MED12L: variants seen among roughly 807,000 people sequenced by gnomAD.
The protein encoded by MED12L is mediator complex subunit 12L.
MED12L carries 60 observed loss-of-function variants against 281.3 expected under a neutral mutation model. The observed-to-expected ratio is 0.21, with a 90% CI of 0.17 to 0.26. The LOEUF (loss-of-function observed/expected upper bound fraction) is 0.26. MED12L is among the 10% of genes least tolerant of loss of function. The pLI is 1.00. For missense variants in MED12L, 2,146 were observed against 2,680.9 expected (o/e 0.80, Z 4.41); for synonymous variants, 974 against 987.2 (o/e 0.99, Z 0.25).
intron 16 of MED12L, chr3:151,212,938 C>G (rs908459566): frequency 1.2e-4 from 19 of 153,752 alleles, no homozygotes; most frequent in African/African-American, 4.4e-4. Context: ...AAAGAAGATG[C>G]CTGAGTGAGT....
chr3:151,166,027 T>A, intron 11 of MED12L, 45 bp downstream of exon 11: 1 of 1,532,858 alleles, frequency 6.5e-7, no homozygotes, highest in Non-Finnish European at 8.9e-7. Flanking sequence ...ATTTTCATAG[T>A]GTTTTTTTCT....
intron 16 of MED12L, among the ~76,000 whole-genome samples, chr3:151,241,412 G>C (rs751261401): frequency 6.6e-6 from 1 of 152,036 alleles, no homozygotes; most frequent in African/African-American, 2.4e-5. Context: ...TTCTCCTCAG[G>C]CTATCTTGAA....
chr3:151,248,013 T>C (rs1736067834), intron 16 of MED12L, among the ~76,000 whole-genome samples: 1 of 144,364 alleles, frequency 6.9e-6, no homozygotes, highest in East Asian at 2.1e-4. Flanking sequence ...GAGTAGATTC[T>C]AAGCATGTAT....
intron 2 of MED12L, among the ~76,000 whole-genome samples, chr3:151,092,746 A>G (rs974504083): frequency 1.4e-4 from 21 of 152,298 alleles, no homozygotes; most frequent in Admixed American, 9.8e-4. Context: ...AGAGGAGGCA[A>G]GGGAGATACT....
chr3:151,169,661 A>G (rs753698225), intron 11 of MED12L, among the ~76,000 whole-genome samples: 2 of 152,222 alleles, frequency 1.3e-5, no homozygotes, highest in Non-Finnish European at 2.9e-5. Flanking sequence ...CAATAATAAT[A>G]TAGCAATTAT....
chr3:151,117,652 A>G (rs559442288), intron 3 of MED12L, among the ~76,000 whole-genome samples: 7 of 152,324 alleles, frequency 4.6e-5, no homozygotes, highest in African/African-American at 1.4e-4. Flanking sequence ...TGCCACTCCA[A>G]CAACAAAACC....
chr3:151,190,903 A>G lies in MED12L; in HGVS notation c.1940A>G (p.Tyr647Cys), dbSNP rs1723886496. 1.2e-6 allele frequency: 2 copies of G among 1,614,072 alleles called. No individual in the cohort carries two copies. The highest frequency in any genetic ancestry group is 2.7e-5 in the African/African-American group (2 of 74,924). ...SPVGENADEHYSKDHDVKMEE... is the reference protein window; with the variant it reads ...SPVGENADEHCSKDHDVKMEE... Reference sequence around the variant, plus strand: ...GTAGGGGAAAATGCAGATGAACACTATTCAAAGGACCATGATGTGAAAATG... The same window carrying G: ...GTAGGGGAAAATGCAGATGAACACTGTTCAAAGGACCATGATGTGAAAATG... The change falls in exon 14 of 45, where the codon TAT becomes TGT. Residue 647 changes from tyrosine (Y) to cysteine (C), a missense_variant. Tyr to Cys is a radical substitution (Grantham distance 194). Transcript: ENST00000687756.
chr3:151,163,109 T>C (rs57678097), intron 8 of MED12L, among the ~76,000 whole-genome samples: 2,845 of 152,280 alleles, frequency 0.019, 103 homozygotes, highest in African/African-American at 0.065. Flanking sequence ...TTGGGTTGGT[T>C]ACTAATCTAC....
chr3:151,105,235 A>G (rs937586735), intron 2 of MED12L, among the ~76,000 whole-genome samples: 1 of 152,112 alleles, frequency 6.6e-6, no homozygotes, highest in East Asian at 1.9e-4. Flanking sequence ...GTTAGCTTCA[A>G]TTGCTTCCTT....
intron 11 of MED12L, among the ~76,000 whole-genome samples, chr3:151,176,357 G>T (rs1722048010): frequency 6.7e-6 from 1 of 149,594 alleles, no homozygotes; most frequent in Admixed American, 6.6e-5. Flanking sequence ...GAGTTATGTT[G>T]TGGCAAGAGG....
chr3:151,150,926 G>A (rs1006687073), intron 5 of MED12L, among the ~76,000 whole-genome samples: 1 of 152,040 alleles, frequency 6.6e-6, no homozygotes, highest in African/African-American at 2.4e-5. Flanking sequence ...TGCCTAAAGG[G>A]CATGTTGTGG....
chr3:151,354,119 C>T (rs145069935), intron 17 of MED12L, among the ~76,000 whole-genome samples: 3 of 111,722 alleles, frequency 2.7e-5, no homozygotes, highest in Non-Finnish European at 5.0e-5. Context: ...CCAGCCTGGG[C>T]GACAGAGCGA....
At chr3:151,203,617 TAAAA>T (rs1559873898) in intron 16 of MED12L, among the ~76,000 whole-genome samples, 1 of 151,972 alleles carries the variant, frequency 6.6e-6, no homozygotes, top group Non-Finnish European at 1.5e-5. Flanking sequence ...CACCTATTAT[TAAAA>T]AAAGAAGTAA....
At chr3:151,278,175 G>A (rs1221325768) in intron 16 of MED12L, 2 of 152,144 alleles carry the variant, frequency 1.3e-5, no homozygotes, top group Non-Finnish European at 2.9e-5. Flanking sequence ...AATGTGAGTG[G>A]CAATGGTTCA....
intron 2 of MED12L, among the ~76,000 whole-genome samples, chr3:151,109,907 G>A (rs936358974): frequency 6.6e-6 from 1 of 152,164 alleles, no homozygotes; most frequent in Non-Finnish European, 1.5e-5. Context: ...CTGGGAACAG[G>A]ATCTTGACTA....
chr3:151,328,743 G>A (rs1749994590), intron 16 of MED12L: 1 of 1,613,962 alleles, frequency 6.2e-7, no homozygotes, highest in Admixed American at 1.7e-5. Flanking sequence ...GGTGCCAGGT[G>A]TGAGTCAGAG....
At chr3:151,157,796 A>G (rs1034142885) in intron 6 of MED12L, among the ~76,000 whole-genome samples, 2 of 152,240 alleles carry the variant, frequency 1.3e-5, no homozygotes, top group African/African-American at 4.8e-5. Flanking sequence ...CTGGTAATAC[A>G]TAACAGTTGC....
chr3:151,123,755 T>A, intron 4 of MED12L, among the ~76,000 whole-genome samples: 1 of 152,232 alleles, frequency 6.6e-6, no homozygotes, highest in Admixed American at 6.5e-5. Context: ...TATTAAGTTT[T>A]CCTTACCAGC....
At chr3:151,204,254 T>C (rs1341836393) in intron 16 of MED12L, among the ~76,000 whole-genome samples, 3 of 152,184 alleles carry the variant, frequency 2.0e-5, no homozygotes, top group Admixed American at 1.3e-4. Context: ...GAAGATACCT[T>C]TCCAGGATCT....
Sources: allele counts gnomAD v4.1 joint callset (sites outside exome capture counted in the v4.1 genomes callset), GRCh38; gene constraint gnomAD v4.1.1; transcripts MANE v1.5; gene names NCBI Gene and HGNC (gene_info 2026-07-23, HGNC 2026-07-21).